AK2: variants seen among roughly 807,000 people sequenced by gnomAD.
The protein encoded by AK2 is adenylate kinase 2, mitochondrial.
AK2 carries 15 observed loss-of-function variants against 24.6 expected under a neutral mutation model. The ratio of observed to expected loss-of-function variants is 0.61; its 90% CI spans 0.41 to 0.94. AK2 has a LOEUF of 0.94. Ranked by LOEUF, AK2 falls within the 40% of genes least tolerant of loss-of-function variation. AK2 has a pLI of 0.00. For synonymous variants in AK2, 102 were observed against 114.0 expected, an observed-to-expected ratio of 0.90 and a Z score of 0.67; for missense variants, 257 against 304.1, an observed-to-expected ratio of 0.85 and a Z score of 1.15.
At position 33,010,606 on chromosome 1, in the gene AK2, A is replaced by G; in HGVS notation, c.*2575T>C. Reference sequence around the variant, plus strand: ...CCCTCCAAGCATGGTGTTTTTTAAAAAATTAATTTTTCCCTTACACTTTAA... The same window carrying G: ...CCCTCCAAGCATGGTGTTTTTTAAAGAATTAATTTTTCCCTTACACTTTAA... On this transcript the variant is annotated 3_prime_UTR_variant, in exon 6 of 6. Transcript: ENST00000672715. The G allele has an allele frequency of 4.7e-6, 6 of 1,277,070 alleles. No individual in the cohort carries two copies. The highest frequency in any genetic ancestry group is 6.6e-6 in the Non-Finnish European group (6 of 908,668). 79.1% of individuals were successfully genotyped at this position (1,277,070 alleles called of 1,614,324 possible). A position where few individuals can be genotyped will look rare whatever the true frequency, so the allele number is the denominator to read the frequency against.
intron 4 of AK2, among the ~76,000 whole-genome samples, chr1:33,016,113 G>A (rs1203267856): frequency 1.3e-5 from 2 of 152,078 alleles, no homozygotes; most frequent in African/African-American, 2.4e-5. Context: ...GGTTCCAGGA[G>A]CCCCCTCTGT....
At chr1:33,023,474 C>T (rs1022814288) in intron 2 of AK2, among the ~76,000 whole-genome samples, 14 of 152,080 alleles carry the variant, frequency 9.2e-5, no homozygotes, top group Admixed American at 4.6e-4. Flanking sequence ...GTAACCCTAG[C>T]TACTCATCAG....
Position 33,010,449 on chromosome 1 carries a change from G to T in AK2, c.*2732C>A, listed in dbSNP as rs1205210086. The stretch of plus-strand genomic sequence containing the variant: ...AACAATTTGATTTCCTGTACTCTTG[G>T]TCTGGAACCCATGGGGTTCTGAGAT... On this transcript the variant is annotated 3_prime_UTR_variant, in exon 6 of 6. Transcript: ENST00000672715. 1 of 555,716 alleles carries T rather than the reference G, an allele frequency of 1.8e-6. No individual in the cohort carries two copies. The highest frequency in any genetic ancestry group is 4.4e-5 in the East Asian group (1 of 22,698). 34.4% of individuals were successfully genotyped at this position (555,716 alleles called of 1,614,324 possible).
At chr1:33,028,009 A>G (rs1028656186) in intron 1 of AK2, among the ~76,000 whole-genome samples, 4 of 152,210 alleles carry the variant, frequency 2.6e-5, no homozygotes, top group Non-Finnish European at 5.9e-5. Context: ...TAAATGAAAT[A>G]AAGTACCAAA....
At chr1:33,030,822 A>G (rs1640192600) in intron 1 of AK2, among the ~76,000 whole-genome samples, 1 of 152,240 alleles carries the variant, frequency 6.6e-6, no homozygotes, top group Non-Finnish European at 1.5e-5. Context: ...GCTCTTAGCC[A>G]TGACACTATA....
rs1291537564 is a variant in AK2 at position 33,011,668 on chromosome 1, G to A, written c.*1513C>T. On this transcript the variant is annotated 3_prime_UTR_variant, in exon 6 of 6. Transcript: ENST00000672715. ...CTGACTTTCTAATGGTTTTTCCAGA[G>A]GCTGCCGTTTTTGTGGTCCTTCATA... is the stretch of plus-strand genomic sequence containing the variant. The A allele has an allele frequency of 1.5e-6, 2 of 1,300,110 alleles. No homozygotes were observed. The highest frequency in any genetic ancestry group is 4.6e-5 in the Admixed American group (2 of 43,930). The allele number at this position is 1,300,110 out of a possible 1,614,324, so 80.5% of individuals were successfully genotyped here.
Position 33,011,425 on chromosome 1 carries a change from G to A in AK2, c.*1756C>T. 7.8e-7 allele frequency: 1 copy of A among 1,287,380 alleles called. No homozygotes were observed. The highest frequency in any genetic ancestry group is 1.0e-6 in the Non-Finnish European group (1 of 988,796). 79.7% of individuals were successfully genotyped at this position (1,287,380 alleles called of 1,614,324 possible). On this transcript the variant is annotated 3_prime_UTR_variant, in exon 6 of 6. Transcript: ENST00000672715. ...GGTTTAGAGCCAGGAAAACAAGGCA[G>A]GACAGAGGCAGCAGACACTCACTTG...
At position 33,009,704 on chromosome 1, in the gene AK2, C is replaced by T. The variant is rs1267264166; in HGVS notation, c.*3477G>A. ...TGAACTCCAAGCACAGTGCTATCTCCACTAGACCAAGCTGCCTTGTCTCTG... is the reference window on the plus strand; with the variant it reads ...TGAACTCCAAGCACAGTGCTATCTCTACTAGACCAAGCTGCCTTGTCTCTG... On this transcript the variant is annotated 3_prime_UTR_variant, in exon 6 of 6. Coordinates refer to ENST00000672715, the MANE Select transcript of AK2 (RefSeq NM_001625.4). 1 of 454,074 alleles carries T rather than the reference C, an allele frequency of 2.2e-6. No homozygotes were observed. The highest frequency in any genetic ancestry group is 2.3e-5 in the Admixed American group (1 of 42,572). 28.1% of individuals were successfully genotyped at this position (454,074 alleles called of 1,614,324 possible).
chr1:33,014,615 A>T (rs756906982), intron 4 of AK2, 21 bp from the exon 5 acceptor site: 5 of 1,603,898 alleles, frequency 3.1e-6, no homozygotes, highest in Non-Finnish European at 3.4e-6. Context: ...GCAAATGAAT[A>T]TGAGTTAGGT....
intron 4 of AK2, among the ~76,000 whole-genome samples, 200 bp downstream of exon 4, chr1:33,021,167 T>C (rs1639525811): frequency 2.0e-5 from 3 of 151,162 alleles, no homozygotes; most frequent in Non-Finnish European, 4.4e-5. Context: ...GTGACAAGAA[T>C]GAGATGCTGT....
At chr1:33,029,958 C>T (rs1035498546) in intron 1 of AK2, among the ~76,000 whole-genome samples, 8 of 152,216 alleles carry the variant, frequency 5.3e-5, no homozygotes, top group African/African-American at 1.7e-4. Context: ...CCAAAACATA[C>T]ACATTCCGAA....
chr1:33,008,776 C>T lies in AK2; in HGVS notation c.*4405G>A. 2.2e-6 allele frequency: 1 copy of T among 454,066 alleles called. No individual in the cohort carries two copies. The highest frequency in any genetic ancestry group is 4.4e-6 in the Non-Finnish European group (1 of 226,790). 28.1% of individuals were successfully genotyped at this position (454,066 alleles called of 1,614,324 possible). A position where few individuals can be genotyped will look rare whatever the true frequency, so the allele number is the denominator to read the frequency against. On this transcript the variant is annotated 3_prime_UTR_variant, in exon 6 of 6. Coordinates refer to ENST00000672715, the MANE Select transcript of AK2 (RefSeq NM_001625.4). ...GGTTACATGAAGCCTTTGCATAATA[C>T]CTGGCACAACGTCAGTCTTCCGGGA...
In AK2 at chr1:33,020,800, G is replaced by A. The variant is rs182562857; in HGVS notation, c.425+567C>T. Reference sequence around the variant, plus strand: ...GCAGAGGTTGCAGTGAGCCAAGATCGCGCCACTGCACTCCAGCCTGGGTGA... The same window carrying A: ...GCAGAGGTTGCAGTGAGCCAAGATCACGCCACTGCACTCCAGCCTGGGTGA... On this transcript the variant is annotated intron_variant, in intron 4 of 5. Coordinates refer to ENST00000672715, the MANE Select transcript of AK2 (RefSeq NM_001625.4). 7.1e-4 allele frequency among the ~76,000 whole-genome samples: 106 copies of A among 150,240 alleles called. 2 individuals carry two copies. The East Asian group carries it at 0.018, about 25-fold the overall frequency.
At chr1:33,022,354 T>C (rs1557623358) in intron 2 of AK2, among the ~76,000 whole-genome samples, 1 of 142,528 alleles carries the variant, frequency 7.0e-6, no homozygotes, top group Admixed American at 7.0e-5. Context: ...TCCCTCACTT[T>C]TTTTTTTTTT....
At chr1:33,023,638 C>T (rs1030409638) in intron 2 of AK2, among the ~76,000 whole-genome samples, 1 of 152,026 alleles carries the variant, frequency 6.6e-6, no homozygotes, top group African/African-American at 2.4e-5. Context: ...GTCACAACTG[C>T]GAAGTAATTG....
intron 1 of AK2, among the ~76,000 whole-genome samples, chr1:33,030,205 T>G (rs1349742094): frequency 6.6e-6 from 1 of 152,238 alleles, no homozygotes; most frequent in Non-Finnish European, 1.5e-5. Context: ...TCCACAGGAA[T>G]GCCCTCTCTG....
At chr1:33,013,530 A>G in intron 5 of AK2, 128 bp from the exon 6 acceptor site, 3 of 1,513,298 alleles carry the variant, frequency 2.0e-6, no homozygotes, top group Non-Finnish European at 2.7e-6. Context: ...CCCATCAGAG[A>G]CAAAGACAGG....
At chr1:33,026,030 A>G (rs1259079889) in intron 1 of AK2, among the ~76,000 whole-genome samples, 1 of 152,242 alleles carries the variant, frequency 6.6e-6, no homozygotes, top group African/African-American at 2.4e-5. Context: ...GAGACCCTAG[A>G]CAGCTCAACA....
chr1:33,016,728 C>CA (rs1274566965), intron 4 of AK2, among the ~76,000 whole-genome samples: 1 of 151,850 alleles, frequency 6.6e-6, no homozygotes, highest in Non-Finnish European at 1.5e-5. Context: ...TTTTTTGAGA[C>CA]AGAGTCTCAT....
Sources: gnomAD v4.1 joint callset for allele counts (sites outside exome capture counted in the v4.1 genomes callset) on GRCh38, gnomAD v4.1.1 for gene constraint, MANE v1.5 for transcripts, NCBI Gene and HGNC (gene_info 2026-07-23, HGNC 2026-07-21) for gene names.